Variants in LMO7 observed in about 807,000 individuals in gnomAD.
LMO7 encodes LIM domain 7.
A neutral mutation model predicts 206.5 loss-of-function variants in LMO7; 120 were observed. That is an observed-to-expected ratio of 0.58 (90% CI 0.50 to 0.68). LMO7 has a LOEUF of 0.68. Among genes scored for constraint, LMO7 ranks in the 30% least tolerant of loss-of-function variants. The probability of loss-of-function intolerance (pLI) is 0.00; values close to 1 mark genes in which losing one functional copy is unlikely to be tolerated. For synonymous variants in LMO7, 706 were observed against 681.5 expected, an observed-to-expected ratio of 1.04 and a Z score of -0.56; for missense variants, 1,959 against 1,957.9, an observed-to-expected ratio of 1.00 and a Z score of -0.01.
At chr13:75,757,108 T>C (rs1211922194) in intron 3 of LMO7, among the ~76,000 whole-genome samples, 2 of 152,212 alleles carry the variant, frequency 1.3e-5, no homozygotes, top group Non-Finnish European at 2.9e-5. Flanking sequence ...AACTTCCATC[T>C]TGCTCCTTGG....
At chr13:75,665,670 G>A (rs760149984) in intron 1 of LMO7, among the ~76,000 whole-genome samples, 1 of 152,100 alleles carries the variant, frequency 6.6e-6, no homozygotes, top group African/African-American at 2.4e-5. Context: ...GGGATTACAG[G>A]CATCTGCCAC....
intron 26 of LMO7, among the ~76,000 whole-genome samples, chr13:75,845,874 T>C (rs764323011): frequency 2.0e-5 from 3 of 152,198 alleles, no homozygotes; most frequent in East Asian, 1.9e-4. Context: ...GCAGAAATTA[T>C]GTAACTATGA....
At chr13:75,775,687 C>T (rs1209007325) in intron 4 of LMO7, among the ~76,000 whole-genome samples, 1 of 151,950 alleles carries the variant, frequency 6.6e-6, no homozygotes, top group East Asian at 1.9e-4. Flanking sequence ...AAGTGGCTAA[C>T]AAACACATGA....
intron 2 of LMO7, among the ~76,000 whole-genome samples, chr13:75,626,067 C>G (rs1209995307): frequency 2.0e-5 from 3 of 152,136 alleles, no homozygotes; most frequent in African/African-American, 7.2e-5. Context: ...ACAATGGAGG[C>G]CCAGATTAAC....
chr13:75,727,186 A>C, intron 3 of LMO7, 88 bp downstream of exon 3: 1 of 753,184 alleles, frequency 1.3e-6, no homozygotes, highest in Non-Finnish European at 2.2e-6. Flanking sequence ...ATCTGCAATT[A>C]CCACTGAAAT....
chr13:75,754,649 A>T (rs537722420), intron 3 of LMO7, among the ~76,000 whole-genome samples: 1 of 152,336 alleles, frequency 6.6e-6, no homozygotes, highest in African/African-American at 2.4e-5. Flanking sequence ...AGCTTGCTTA[A>T]ATAGGAATGA....
chr13:75,694,171 C>A (rs2041723458), intron 1 of LMO7, among the ~76,000 whole-genome samples: 1 of 152,140 alleles, frequency 6.6e-6, no homozygotes. Context: ...TGCCATAAGG[C>A]AGAATGGTGT....
chr13:75,748,814 TC>T (rs774385133), intron 3 of LMO7, among the ~76,000 whole-genome samples: 42 of 131,618 alleles, frequency 3.2e-4, no homozygotes, highest in Admixed American at 6.8e-4. Flanking sequence ...TTTCTTTCTT[TC>T]TTTTTTTTTT....
At chr13:75,759,815 A>G (rs920700) in intron 3 of LMO7, among the ~76,000 whole-genome samples, 6,689 of 152,240 alleles carry the variant, frequency 0.044, 251 homozygotes, top group South Asian at 0.19. Flanking sequence ...TTAGGAAAAG[A>G]GTAATTGCCT....
chr13:75,859,383 T>C lies in LMO7; in HGVS notation c.*1440T>C, dbSNP rs1350772050. The C allele has an allele frequency of 1.3e-5, 2 of 152,208 alleles. No individual in the cohort carries two copies. The highest frequency in any genetic ancestry group is 1.5e-5 in the Non-Finnish European group (1 of 68,028). 9.4% of individuals were successfully genotyped at this position (152,208 alleles called of 1,614,324 possible). A position where few individuals can be genotyped will look rare whatever the true frequency, so the allele number is the denominator to read the frequency against. ...CAAAGACAAGAACTCTGTGTTTGAATTCATTCTGCATATAATTATTTATAA... is the reference window on the plus strand; with the variant it reads ...CAAAGACAAGAACTCTGTGTTTGAACTCATTCTGCATATAATTATTTATAA... On this transcript the variant is annotated 3_prime_UTR_variant, in exon 31 of 31. Transcript: ENST00000377534.
intron 25 of LMO7, among the ~76,000 whole-genome samples, chr13:75,844,718 A>G (rs1312370776): frequency 1.3e-5 from 2 of 151,960 alleles, no homozygotes; most frequent in East Asian, 1.9e-4. Flanking sequence ...CACCACTATT[A>G]TTTTCAAAGT....
intron 4 of LMO7, among the ~76,000 whole-genome samples, chr13:75,781,979 T>C (rs2140337696): frequency 6.6e-6 from 1 of 152,260 alleles, no homozygotes; most frequent in South Asian, 2.1e-4. Context: ...GGGTTGTTTG[T>C]TTTTTTCTTG....
chr13:75,738,292 T>C (rs2046120710), intron 3 of LMO7, among the ~76,000 whole-genome samples: 1 of 152,254 alleles, frequency 6.6e-6, no homozygotes, highest in Non-Finnish European at 1.5e-5. Context: ...TCAGCTACCA[T>C]GTGTATTTAG....
chr13:75,692,079 T>C (rs958170636), intron 1 of LMO7, among the ~76,000 whole-genome samples: 1 of 152,226 alleles, frequency 6.6e-6, no homozygotes, highest in Non-Finnish European at 1.5e-5. Context: ...TCAAAACCTC[T>C]TGACTTTCTG....
chr13:75,782,676 C>G (rs1425955018), intron 4 of LMO7, among the ~76,000 whole-genome samples: 1 of 152,192 alleles, frequency 6.6e-6, no homozygotes, highest in East Asian at 1.9e-4. Flanking sequence ...TTGGTTTCTT[C>G]TTGCAGCTCC....
intron 3 of LMO7, among the ~76,000 whole-genome samples, chr13:75,732,748 G>T (rs917289472): frequency 5.9e-5 from 9 of 152,250 alleles, no homozygotes; most frequent in Non-Finnish European, 1.0e-4. Context: ...CCCCATCTTT[G>T]TGGTTTTGTC....
chr13:75,730,164 C>T (rs944187456), intron 3 of LMO7, among the ~76,000 whole-genome samples: 7 of 152,112 alleles, frequency 4.6e-5, no homozygotes, highest in Admixed American at 2.6e-4. Flanking sequence ...GGGAGGATTC[C>T]CTCTTTTTCT....
At chr13:75,702,853 T>C (rs2042372187) in intron 1 of LMO7, among the ~76,000 whole-genome samples, 1 of 152,252 alleles carries the variant, frequency 6.6e-6, no homozygotes, top group African/African-American at 2.4e-5. Context: ...TAGTTAAAAT[T>C]AAGACAGATT....
In LMO7 at chr13:75,840,124, A is replaced by G; in HGVS notation, c.3477+14A>G. 1.2e-6 allele frequency: 2 copies of G among 1,613,660 alleles called. No homozygotes were observed. Among genetic ancestry groups the G allele is most frequent in the Non-Finnish European group, 1.7e-6 (2 of 1,179,600 alleles). ...GTGGTTCCTGATGTAAGTAGCATTC[A>G]TTTGTCATTTGGAATAAGGTGAACT... On this transcript the variant is annotated intron_variant, in intron 21 of 30. Transcript: ENST00000377534.
Sources: allele counts gnomAD v4.1 joint callset (sites outside exome capture counted in the v4.1 genomes callset), GRCh38; gene constraint gnomAD v4.1.1; transcripts MANE v1.5; gene names NCBI Gene and HGNC (gene_info 2026-07-23, HGNC 2026-07-21).